The following LRRN2 variants were observed in gnomAD, a reference collection of about 807,000 sequenced individuals.
LRRN2 encodes leucine rich repeat neuronal 2.
LRRN2 carries 10 observed loss-of-function variants against 35.7 expected under a neutral mutation model. The ratio of observed to expected loss-of-function variants is 0.28; its 90% confidence interval spans 0.17 to 0.47. LRRN2 has a LOEUF of 0.47. LRRN2 is among the 20% of genes least tolerant of loss of function. LRRN2 has a pLI of 0.99. For missense variants in LRRN2, 731 were observed against 940.3 expected (o/e 0.78, Z 2.91); for synonymous variants, 391 against 409.6 (o/e 0.95, Z 0.55).
chr1:204,672,572 G>A (rs558434703), intron 1 of LRRN2, among the ~76,000 whole-genome samples: 9 of 152,304 alleles, frequency 5.9e-5, no homozygotes, highest in South Asian at 4.1e-4. Flanking sequence ...CATCTCTGTC[G>A]CGCCGTCTTG....
intron 1 of LRRN2, among the ~76,000 whole-genome samples, chr1:204,668,077 T>C (rs1300394661): frequency 2.0e-5 from 3 of 152,158 alleles, no homozygotes; most frequent in Non-Finnish European, 4.4e-5. Flanking sequence ...TGAATCCTCA[T>C]AGACCTATGA....
intron 1 of LRRN2, among the ~76,000 whole-genome samples, chr1:204,683,851 C>T (rs375129875): frequency 1.1e-4 from 16 of 152,336 alleles, no homozygotes; most frequent in African/African-American, 3.6e-4. Context: ...TCCATCGTTT[C>T]GCCACAACAG....
In LRRN2 at chr1:204,618,949, A is replaced by C; in HGVS notation, c.1044T>G (p.Ser348Arg). The C allele has an allele frequency of 6.2e-7, 1 of 1,614,076 alleles. No homozygotes were observed. Among genetic ancestry groups the C allele is most frequent in the African/African-American group, 1.3e-5 (1 of 75,026 alleles). ...ETLMLNNNAL[S>R]ALHQQTVESL... ...ACTCCACCGTCTGCTGGTGCAAGGC[A>C]CTGAGAGCGTTGTTGTTGAGCATGA... is the stretch of plus-strand genomic sequence containing the variant. Residue 348 changes from serine (S) to arginine (R), a missense_variant, in exon 2 of 2, where the codon AGT (serine) becomes AGG (arginine). Ser to Arg is a moderately radical substitution (Grantham distance 110). Around this residue, in one of 3 missense-constraint regions of LRRN2, gnomAD observed 256 missense variants for 392.4 expected, o/e 0.65. Transcript: ENST00000367177.
intron 1 of LRRN2, among the ~76,000 whole-genome samples, chr1:204,676,914 A>G (rs1362611735): frequency 6.6e-6 from 1 of 152,192 alleles, no homozygotes; most frequent in Non-Finnish European, 1.5e-5. Context: ...TGGCTCTGCC[A>G]CTTGCTGGCT....
intron 1 of LRRN2, among the ~76,000 whole-genome samples, chr1:204,663,642 T>C (rs1271402899): frequency 7.9e-5 from 12 of 152,140 alleles, no homozygotes. Flanking sequence ...TCAGTGGCAC[T>C]CAAGTCATCA....
At chr1:204,638,557 T>G (rs575370383) in intron 1 of LRRN2, among the ~76,000 whole-genome samples, 1 of 152,110 alleles carries the variant, frequency 6.6e-6, no homozygotes, top group South Asian at 2.1e-4. Flanking sequence ...ATTACAGGCA[T>G]GTGCCACCAC....
intron 1 of LRRN2, among the ~76,000 whole-genome samples, chr1:204,673,955 T>A (rs372735189): frequency 6.6e-6 from 1 of 152,014 alleles, no homozygotes; most frequent in Admixed American, 6.6e-5. Flanking sequence ...TGGGCCCAGG[T>A]ACCCTTTTGT....
chr1:204,632,628 C>CAAAAAAA, intron 1 of LRRN2, among the ~76,000 whole-genome samples: 1 of 104,532 alleles, frequency 9.6e-6, no homozygotes, highest in African/African-American at 3.9e-5. Flanking sequence ...GACTCTGTCT[C>CAAAAAAA]AAAAAAAAAA....
chr1:204,666,885 C>A (rs1668583084), intron 1 of LRRN2, among the ~76,000 whole-genome samples: 1 of 144,404 alleles, frequency 6.9e-6, no homozygotes, highest in Non-Finnish European at 1.5e-5. Flanking sequence ...TTGCTTGAAC[C>A]TGGGAGGCAG....
chr1:204,666,618 T>A (rs1668578505), intron 1 of LRRN2, among the ~76,000 whole-genome samples: 1 of 152,128 alleles, frequency 6.6e-6, no homozygotes, highest in South Asian at 2.1e-4. Flanking sequence ...ACAAACTAAC[T>A]ACTGATATAG....
intron 1 of LRRN2, chr1:204,627,313 G>A (rs940947407): frequency 2.0e-5 from 3 of 152,256 alleles, no homozygotes; most frequent in Admixed American, 6.5e-5. Context: ...TCCGGTGCCA[G>A]CGCTCGCCTG....
intron 1 of LRRN2, among the ~76,000 whole-genome samples, chr1:204,673,698 C>T (rs544398070): frequency 7.9e-5 from 12 of 152,168 alleles, no homozygotes; most frequent in Non-Finnish European, 1.5e-4. Flanking sequence ...CTGGGGAAAT[C>T]GTTCTGAGGT....
chr1:204,640,178 G>A (rs187940774), intron 1 of LRRN2, among the ~76,000 whole-genome samples: 28 of 152,266 alleles, frequency 1.8e-4, no homozygotes, highest in African/African-American at 6.7e-4. Flanking sequence ...TTGGTGTCTG[G>A]TGAAGGCCCG....
intron 1 of LRRN2, among the ~76,000 whole-genome samples, chr1:204,642,857 C>G (rs976316533): frequency 6.6e-6 from 1 of 152,184 alleles, no homozygotes; most frequent in African/African-American, 2.4e-5. Flanking sequence ...CTTGCAGCAA[C>G]GGGCTCTTCT....
intron 1 of LRRN2, among the ~76,000 whole-genome samples, chr1:204,669,956 A>G (rs921084649): frequency 2.0e-5 from 3 of 152,048 alleles, no homozygotes; most frequent in African/African-American, 7.3e-5. Flanking sequence ...TCAGAGACCC[A>G]GTTACCAAAG....
chr1:204,659,189 G>C (rs1335201924), intron 1 of LRRN2, among the ~76,000 whole-genome samples: 2 of 152,180 alleles, frequency 1.3e-5, no homozygotes, highest in African/African-American at 4.8e-5. Flanking sequence ...CTAATCCACG[G>C]ATTCATGAAG....
Position 204,625,661 on chromosome 1 carries a change from G to A in LRRN2, c.-226-5443C>T, listed in dbSNP as rs1250719936. On this transcript the variant is annotated intron_variant, in intron 1 of 1. Coordinates refer to ENST00000367177, the MANE Select transcript of LRRN2 (RefSeq NM_201630.2). ...AACCACGGTCCCGACTTCTATCGCC[G>A]CCAAGCAGTTTCATCTTGAAAACCC... Among the ~76,000 whole-genome samples the A allele has an allele frequency of 3.3e-5, 5 of 152,208 alleles. 1 individual carries two copies. The highest frequency in any genetic ancestry group is 4.1e-4 in the South Asian group (2 of 4,826).
chr1:204,675,661 G>A (rs1440361491), intron 1 of LRRN2, among the ~76,000 whole-genome samples: 2 of 152,206 alleles, frequency 1.3e-5, no homozygotes, highest in African/African-American at 2.4e-5. Context: ...TTATTCTTAA[G>A]CCAGATATCA....
At chr1:204,653,176 C>T (rs1485960327) in intron 1 of LRRN2, among the ~76,000 whole-genome samples, 2 of 152,196 alleles carry the variant, frequency 1.3e-5, no homozygotes, top group African/African-American at 4.8e-5. Flanking sequence ...TACTTTTGCA[C>T]TAGCCTAATA....
Sources: allele counts gnomAD v4.1 joint callset (sites outside exome capture counted in the v4.1 genomes callset), GRCh38; gene constraint gnomAD v4.1.1; regional missense constraint gnomAD v4.1.1; transcripts MANE v1.5; gene names NCBI Gene and HGNC (gene_info 2026-07-23, HGNC 2026-07-21).